The following NFAM1 variants were observed in gnomAD, a reference collection of about 807,000 sequenced individuals.
The protein encoded by NFAM1 is NFAT activating protein with ITAM motif 1, also known as NFAT activation molecule 1.
In NFAM1, 17 loss-of-function variants were observed where a neutral mutation model predicts 29.0. That is an observed-to-expected ratio of 0.59 (90% CI 0.40 to 0.88). The LOEUF is 0.88. Among genes scored for constraint, NFAM1 ranks in the 40% least tolerant of loss-of-function variants. The pLI, the probability that NFAM1 is intolerant of heterozygous loss-of-function variation, is 0.00. For missense variants in NFAM1, 324 were observed against 344.6 expected (o/e 0.94, Z 0.47); for synonymous variants, 175 against 147.2 (o/e 1.19, Z -1.36).
chr22:42,434,397 C>T (rs1228049883), upstream of NFAM1, among the ~76,000 whole-genome samples: 1 of 152,174 alleles, frequency 6.6e-6, no homozygotes, highest in Non-Finnish European at 1.5e-5. Flanking sequence ...CGTGCATACT[C>T]CCCAGGCAGG....
intron 3 of NFAM1, among the ~76,000 whole-genome samples, chr22:42,404,377 G>A (rs1371639520): frequency 6.6e-6 from 1 of 152,008 alleles, no homozygotes; most frequent in Non-Finnish European, 1.5e-5. Context: ...TGCCTGGAGG[G>A]AGCCTCTTTC....
At chr22:42,425,741 C>T (rs908770639) in intron 1 of NFAM1, among the ~76,000 whole-genome samples, 6 of 152,320 alleles carry the variant, frequency 3.9e-5, no homozygotes, top group Non-Finnish European at 8.8e-5. Context: ...TTCCTGAGCC[C>T]GCGTACTCTC....
chr22:42,436,520 G>A (rs1379336348), upstream of NFAM1, among the ~76,000 whole-genome samples: 1 of 152,164 alleles, frequency 6.6e-6, no homozygotes, highest in Non-Finnish European at 1.5e-5. Context: ...CCTGCAGCTG[G>A]GTGGTGCTGA....
chr22:42,417,908 C>G (rs1372278947), intron 1 of NFAM1, among the ~76,000 whole-genome samples: 1 of 152,166 alleles, frequency 6.6e-6, no homozygotes, highest in East Asian at 1.9e-4. Context: ...TTTGAGTCTT[C>G]AACTCCTCTC....
intron 3 of NFAM1, among the ~76,000 whole-genome samples, chr22:42,401,336 G>A (rs2147100320): frequency 6.6e-6 from 1 of 152,366 alleles, no homozygotes; most frequent in South Asian, 2.1e-4. Flanking sequence ...AGGCTGGCAC[G>A]GGTGGGGCCA....
intron 1 of NFAM1, among the ~76,000 whole-genome samples, chr22:42,422,338 G>A (rs1930472253): frequency 6.6e-6 from 1 of 152,198 alleles, no homozygotes; most frequent in Non-Finnish European, 1.5e-5. Flanking sequence ...GGGCGCAGGT[G>A]CTCACGCCTG....
intron 4 of NFAM1, among the ~76,000 whole-genome samples, chr22:42,389,654 G>A (rs1176461244): frequency 3.4e-5 from 5 of 145,144 alleles, no homozygotes; most frequent in Non-Finnish European, 7.7e-5. Context: ...GCTGTGGCTG[G>A]GCTGGGTGTT....
chr22:42,387,106 G>T, intron 4 of NFAM1, 28 bp from the exon 5 acceptor site: 1 of 1,389,584 alleles, frequency 7.2e-7, no homozygotes. Context: ...CCAGGATCAG[G>T]GGCAAGTGTG....
intron 4 of NFAM1, among the ~76,000 whole-genome samples, chr22:42,390,814 CT>C (rs1359178852): frequency 1.5e-5 from 1 of 66,666 alleles, no homozygotes; most frequent in Non-Finnish European, 3.6e-5. Flanking sequence ...GAGACTCCGT[CT>C]CAAAAAAAAA....
intron 1 of NFAM1, among the ~76,000 whole-genome samples, chr22:42,427,793 T>C (rs1930670076): frequency 6.6e-6 from 1 of 152,144 alleles, no homozygotes; most frequent in South Asian, 2.1e-4. Flanking sequence ...GCAAAGCTAG[T>C]CCATATGGTT....
chr22:42,386,265 T>C (rs1360188841), intron 5 of NFAM1, among the ~76,000 whole-genome samples: 1 of 151,738 alleles, frequency 6.6e-6, no homozygotes, highest in Non-Finnish European at 1.5e-5. Context: ...TCCCAGCTAC[T>C]CGGGAGGCTG....
intron 3 of NFAM1, among the ~76,000 whole-genome samples, chr22:42,403,697 CTA>C (rs1929800587): frequency 2.6e-5 from 4 of 152,372 alleles, no homozygotes; most frequent in African/African-American, 9.6e-5. Context: ...TGAGGGCCTA[CTA>C]TGTCAGGGGA....
intron 1 of NFAM1, among the ~76,000 whole-genome samples, chr22:42,422,886 G>A (rs896193958): frequency 8.6e-5 from 13 of 151,916 alleles, no homozygotes; most frequent in African/African-American, 1.9e-4. Flanking sequence ...AGGCCGAGGC[G>A]GGTGGATCAC....
chr22:42,404,196 G>A (rs959947693), intron 3 of NFAM1, among the ~76,000 whole-genome samples: 4 of 152,134 alleles, frequency 2.6e-5, no homozygotes, highest in East Asian at 1.9e-4. Flanking sequence ...TGCCCCGGGA[G>A]GCAATGCCAT....
chr22:42,421,086 C>T (rs11912584), intron 1 of NFAM1, among the ~76,000 whole-genome samples: 5,931 of 152,286 alleles, frequency 0.039, 292 homozygotes, highest in African/African-American at 0.12. Flanking sequence ...GATGGCATCC[C>T]TGTTCTGCAG....
intron 1 of NFAM1, among the ~76,000 whole-genome samples, chr22:42,429,110 C>T (rs1186117467): frequency 6.6e-6 from 1 of 152,158 alleles, no homozygotes; most frequent in African/African-American, 2.4e-5. Context: ...GAGCTGGAGG[C>T]CGTGGGCTCA....
At chr22:42,410,803 C>G (rs1394184624) in intron 2 of NFAM1, among the ~76,000 whole-genome samples, 1 of 152,132 alleles carries the variant, frequency 6.6e-6, no homozygotes, top group Non-Finnish European at 1.5e-5. Flanking sequence ...GTTCCCCCAC[C>G]ATGATGCCCA....
rs753107281 is a variant in NFAM1 at position 42,388,591 on chromosome 22, G to C, written c.664-1513C>G. On this transcript the variant is annotated intron_variant, in intron 4 of 5. Coordinates refer to ENST00000329021, the MANE Select transcript of NFAM1 (RefSeq NM_145912.8). The surrounding 1 kb of genome is among the most constrained non-coding windows in gnomAD (Gnocchi z 4.1). ...CCCTGGCAACAGGCAAGCAGGGGTT[G>C]CTGAGGCAGGCTGGAGAGACAGGTG... Among the ~76,000 whole-genome samples the C allele has an allele frequency of 1.9e-4, 29 of 152,168 alleles. No homozygotes were observed. Among genetic ancestry groups the C allele is most frequent in the Non-Finnish European group, 1.0e-4 (7 of 68,034 alleles).
chr22:42,415,505 T>C (rs1348070422), intron 1 of NFAM1, among the ~76,000 whole-genome samples: 2 of 152,080 alleles, frequency 1.3e-5, no homozygotes, highest in African/African-American at 2.4e-5. Context: ...TTCACCGTGT[T>C]AGCCAGAATG....
Sources: allele counts gnomAD v4.1 joint callset (sites outside exome capture counted in the v4.1 genomes callset), GRCh38; gene constraint gnomAD v4.1.1; non-coding constraint Gnocchi (gnomAD v3.1); transcripts MANE v1.5; gene names NCBI Gene and HGNC (gene_info 2026-07-23, HGNC 2026-07-21).